The following CLCN7 variants were observed in gnomAD, a reference collection of about 807,000 sequenced individuals.
CLCN7 encodes H(+)/Cl(-) exchange transporter 7.
Under a neutral mutation model 102.1 loss-of-function variants are expected in CLCN7, and 60 were observed. The ratio of observed to expected loss-of-function variants is 0.59; its 90% confidence interval spans 0.48 to 0.73. The LOEUF is 0.73. CLCN7 is among the 30% of genes least tolerant of loss of function. The probability of loss-of-function intolerance (pLI) is 0.00; values close to 1 mark genes in which losing one functional copy is unlikely to be tolerated. For missense variants in CLCN7, 962 were observed against 1,125.7 expected, an observed-to-expected ratio of 0.85 and a Z score of 2.08; for synonymous variants, 560 against 490.5, an observed-to-expected ratio of 1.14 and a Z score of -1.87.
rs965474341 is a variant in CLCN7 at position 1,453,300 on chromosome 16, A to C, written c.1215-407T>G. 8.5e-5 allele frequency among the ~76,000 whole-genome samples: 13 copies of C among 152,122 alleles called. No homozygotes were observed. In the East Asian group the frequency reaches 2.1e-3, roughly 25 times the overall value. On this transcript the variant is annotated intron_variant, in intron 14 of 24. Transcript: ENST00000382745. ...AGTGCTGGGATTATAGTCGTGAGGC[A>C]CCGCGCCCGGCCAGGCCTGTGTTTA...
At chr16:1,451,539 C>T in intron 16 of CLCN7, 84 bp downstream of exon 16, 1 of 1,202,144 alleles carries the variant, frequency 8.3e-7, no homozygotes, top group Non-Finnish European at 1.2e-6. Context: ...GGGCTGCAAC[C>T]TCAGCCCACA....
chr16:1,470,556 T>A (rs1471178086), intron 1 of CLCN7, among the ~76,000 whole-genome samples: 1 of 152,024 alleles, frequency 6.6e-6, no homozygotes, highest in Non-Finnish European at 1.5e-5. Context: ...CCATGCAGTG[T>A]CCCCATGGCG....
intron 6 of CLCN7, among the ~76,000 whole-genome samples, chr16:1,460,114 C>A (rs549891576): frequency 2.7e-5 from 4 of 150,742 alleles, no homozygotes; most frequent in Non-Finnish European, 4.4e-5. Flanking sequence ...GTGGTGGAGG[C>A]GGAGGTGGAG....
chr16:1,464,378 AGAGCAAAGG>A (rs2038976542), intron 2 of CLCN7, among the ~76,000 whole-genome samples: 1 of 152,180 alleles, frequency 6.6e-6, no homozygotes, highest in Non-Finnish European at 1.5e-5. Context: ...AGCTGACACC[AGAGCAAAGG>A]CTTTGAAGTC....
intron 18 of CLCN7, 45 bp downstream of exon 18, chr16:1,449,231 G>A (rs768131094): frequency 1.9e-6 from 3 of 1,567,770 alleles, no homozygotes; most frequent in East Asian, 4.8e-5. Flanking sequence ...GCCCCCTCCA[G>A]ACCCCGTGGA....
chr16:1,452,783 T>A lies in CLCN7; in HGVS notation c.1325A>T (p.Gln442Leu). ...IYSSRDCQPL[Q>L]GGSMSYPLQL... is the part of the protein sequence containing the mutation. ...CAGCGGGTAGGACATGGAGCCCCCC[T>A]GCAGGGGCTGGCAATCCCGCGACGA... Residue 442 changes from glutamine (Q) to leucine (L), a missense_variant, in exon 15 of 25, where the codon CAG (glutamine) becomes CTG (leucine). This residue lies in a region of CLCN7 where 799 missense variants were observed against 988.0 expected (regional missense o/e 0.81). Coordinates refer to ENST00000382745, the MANE Select transcript of CLCN7 (RefSeq NM_001287.6). 1.2e-6 allele frequency: 2 copies of A among 1,605,458 alleles called. No individual in the cohort carries two copies. Among genetic ancestry groups the A allele is most frequent in the Non-Finnish European group, 1.7e-6 (2 of 1,176,590 alleles).
chr16:1,462,730 A>G (rs35523252), intron 2 of CLCN7, among the ~76,000 whole-genome samples: 19,641 of 151,564 alleles, frequency 0.13, 1,414 homozygotes, highest in African/African-American at 0.16. Context: ...AAAGAATGGA[A>G]GAGAATTGAG....
At chr16:1,465,449 A>ATTCCTGAGCTCCC in intron 1 of CLCN7, 111 bp from the exon 2 acceptor site, 1 of 980,480 alleles carries the variant, frequency 1.0e-6, no homozygotes, top group South Asian at 1.4e-5. Context: ...CCGGGAGCTC[A>ATTCCTGAGCTCCC]GGAATGGGCT....
chr16:1,456,477 C>T (rs1252995047), intron 9 of CLCN7, among the ~76,000 whole-genome samples: 8 of 152,232 alleles, frequency 5.3e-5, no homozygotes. Context: ...CCTCTACCCT[C>T]TAACGAAAAG....
In CLCN7 at chr16:1,453,833, C is replaced by A; in HGVS notation, c.1214+1G>T. On this transcript the variant is annotated splice_donor_variant, in intron 14 of 24. Coordinates refer to ENST00000382745, the MANE Select transcript of CLCN7 (RefSeq NM_001287.6). LOFTEE classifies it high-confidence loss of function. ...CGATATGCAATGCGGTTTCTCCTCA[C>A]CTGATTCGAAACATGGTCAGCCAGT... 1 of 1,613,298 alleles carries A rather than the reference C, an allele frequency of 6.2e-7. No individual in the cohort carries two copies. Among genetic ancestry groups the A allele is most frequent in the Non-Finnish European group, 8.5e-7 (1 of 1,179,926 alleles).
chr16:1,456,705 G>A (rs531600491), intron 9 of CLCN7, among the ~76,000 whole-genome samples: 3 of 152,106 alleles, frequency 2.0e-5, no homozygotes, highest in African/African-American at 7.2e-5. Flanking sequence ...GCCAGGCGTG[G>A]TGGCGGGCAC....
At chr16:1,449,204 C>A (rs1163509490) in intron 18 of CLCN7, 72 bp downstream of exon 18, 25 of 1,573,260 alleles carry the variant, frequency 1.6e-5, no homozygotes, top group Non-Finnish European at 4.3e-6. Flanking sequence ...GACCCTAGCC[C>A]CGCAAGGACA....
In CLCN7 at chr16:1,448,367, G is replaced by T; in HGVS notation, c.2001C>A (p.Ala667=). The change falls in exon 21 of 25, where the codon GCC becomes GCA. Residue 667 remains alanine, a synonymous_variant. Transcript: ENST00000382745. ...GGGTGCCCGGTACCTGGGTGTCATC[G>T]GCATGCTCCACCACGGGGAAGCCGT... ...NHNGFPVVEH[A]DDTQPARLQG... is the part of the protein sequence containing the mutation. 2 of 1,612,726 alleles carry T rather than the reference G, an allele frequency of 1.2e-6. No individual in the cohort carries two copies. Among genetic ancestry groups the T allele is most frequent in the Non-Finnish European group, 1.7e-6 (2 of 1,179,954 alleles).
chr16:1,447,133 A>C lies in CLCN7; in HGVS notation c.2251-47T>G, dbSNP rs373565388. ...CAGTGCCCGCCCACACAGCAGAGGC[A>C]GGCGGGACCCTCACCCAAGCTGGCT... On this transcript the variant is annotated intron_variant, in intron 23 of 24. Coordinates refer to ENST00000382745, the MANE Select transcript of CLCN7 (RefSeq NM_001287.6). The C allele has an allele frequency of 1.6e-5, 24 of 1,528,764 alleles. No homozygotes were observed. In the African/African-American group the frequency reaches 3.0e-4, roughly 19 times the overall value. 94.7% of individuals were successfully genotyped at this position (1,528,764 alleles called of 1,614,324 possible).
chr16:1,466,430 C>T (rs371687801), intron 1 of CLCN7, among the ~76,000 whole-genome samples: 36 of 152,334 alleles, frequency 2.4e-4, no homozygotes, highest in African/African-American at 7.2e-4. Flanking sequence ...GAGGTGGGGA[C>T]GGGGAGACGT....
chr16:1,454,003 A>G, intron 13 of CLCN7, 109 bp from the exon 14 acceptor site: 3 of 1,050,414 alleles, frequency 2.9e-6, no homozygotes, highest in Admixed American at 1.8e-5. Flanking sequence ...AGGGAAGGGG[A>G]CGGCAGGGGG....
intron 1 of CLCN7, among the ~76,000 whole-genome samples, chr16:1,468,136 C>A (rs1342262670): frequency 2.6e-5 from 4 of 152,170 alleles, no homozygotes; most frequent in Non-Finnish European, 5.9e-5. Context: ...GTCACATGTC[C>A]TGGGCGCCAG....
chr16:1,464,316 G>A (rs2038975746), intron 2 of CLCN7, among the ~76,000 whole-genome samples: 1 of 152,240 alleles, frequency 6.6e-6, no homozygotes, highest in Non-Finnish European at 1.5e-5. Context: ...ACTGATTGCT[G>A]AATCTCACGT....
At chr16:1,465,536 G>A (rs962705389) in intron 1 of CLCN7, among the ~76,000 whole-genome samples, 198 bp from the exon 2 acceptor site, 19 of 152,132 alleles carry the variant, frequency 1.2e-4, no homozygotes, top group Non-Finnish European at 2.9e-5. Flanking sequence ...GAACTGATCC[G>A]GCTGCCCCTC....
Sources: allele counts gnomAD v4.1 joint callset (sites outside exome capture counted in the v4.1 genomes callset), GRCh38; gene constraint gnomAD v4.1.1; regional missense constraint gnomAD v4.1.1; transcripts MANE v1.5; gene names NCBI Gene and HGNC (gene_info 2026-07-23, HGNC 2026-07-21).